Variants in IL1RAPL1 observed in about 807,000 individuals in gnomAD.
The protein encoded by IL1RAPL1 is interleukin 1 receptor accessory protein like 1.
IL1RAPL1 carries 3 observed loss-of-function variants against 48.4 expected under a neutral mutation model. The observed-to-expected ratio is 0.06, with a 90% CI of 0.03 to 0.16. The LOEUF (loss-of-function observed/expected upper bound fraction) is 0.16, where lower values mean the gene tolerates loss of function less well. Among genes scored for constraint, IL1RAPL1 ranks in the 10% least tolerant of loss-of-function variants. The pLI, the probability that IL1RAPL1 is intolerant of heterozygous loss-of-function variation, is 1.00. For missense variants in IL1RAPL1, 349 were observed against 530.6 expected (o/e 0.66, Z 3.36); for synonymous variants, 185 against 187.7 (o/e 0.99, Z 0.12).
intron 5 of IL1RAPL1, among the ~76,000 whole-genome samples, chrX:29,467,873 T>G (rs191196336): frequency 8.9e-6 from 1 of 111,879 alleles, no homozygotes; most frequent in African/African-American, 3.2e-5. Flanking sequence ...TTATTTTATT[T>G]TTTTAGATGC....
chrX:28,937,602 G>T (rs1924051041), intron 2 of IL1RAPL1, among the ~76,000 whole-genome samples: 1 of 111,257 alleles, frequency 9.0e-6, no homozygotes, highest in Non-Finnish European at 1.9e-5. Context: ...TAAAATCATG[G>T]TTACTATCAT....
chrX:29,419,859 A>G (rs978319923), intron 5 of IL1RAPL1, among the ~76,000 whole-genome samples: 4 of 111,281 alleles, frequency 3.6e-5, no homozygotes, highest in African/African-American at 1.3e-4. Flanking sequence ...GGTGTGGCAG[A>G]GGAGACTCTT....
intron 2 of IL1RAPL1, among the ~76,000 whole-genome samples, chrX:29,054,780 C>T (rs767316799): frequency 9.8e-5 from 11 of 111,897 alleles, no homozygotes; most frequent in Non-Finnish European, 1.7e-4. Flanking sequence ...TTTCGACACA[C>T]GTGACATACT....
chrX:29,305,639 C>T (rs887997322), intron 3 of IL1RAPL1, among the ~76,000 whole-genome samples: 8 of 111,531 alleles, frequency 7.2e-5, no homozygotes, highest in African/African-American at 2.6e-4. Flanking sequence ...CAAGCCCAGT[C>T]CCTATCTCTG....
chrX:28,633,530 T>A (rs1368153651), intron 1 of IL1RAPL1, among the ~76,000 whole-genome samples: 2 of 112,317 alleles, frequency 1.8e-5, no homozygotes, highest in Non-Finnish European at 3.8e-5. Flanking sequence ...CAAGTTATAT[T>A]TGATGATATT....
chrX:29,324,618 G>A (rs750426276), intron 3 of IL1RAPL1, among the ~76,000 whole-genome samples: 1 of 111,657 alleles, frequency 9.0e-6, no homozygotes, highest in South Asian at 3.8e-4. Flanking sequence ...AAGGTAGGGG[G>A]TAAGTTATGA....
chrX:28,920,428 A>G (rs1328093822), intron 2 of IL1RAPL1, among the ~76,000 whole-genome samples: 1 of 111,947 alleles, frequency 8.9e-6, no homozygotes, highest in African/African-American at 3.2e-5. Flanking sequence ...TGTCTTTCAG[A>G]CATCATTCAG....
At chrX:29,171,992 C>T (rs1341478830) in intron 2 of IL1RAPL1, among the ~76,000 whole-genome samples, 1 of 111,858 alleles carries the variant, frequency 8.9e-6, no homozygotes, top group Non-Finnish European at 1.9e-5. Context: ...AAAATAATGA[C>T]CCATTTTGCC....
intron 2 of IL1RAPL1, among the ~76,000 whole-genome samples, chrX:29,213,669 G>A (rs1930813862): frequency 8.9e-6 from 1 of 112,533 alleles, no homozygotes; most frequent in Non-Finnish European, 1.9e-5. Flanking sequence ...GCATGCCTTG[G>A]GGCATGGACA....
chrX:29,676,211 C>T lies in IL1RAPL1; in HGVS notation c.778+7707C>T, dbSNP rs762070403. Among the ~76,000 whole-genome samples the T allele has an allele frequency of 4.5e-5, 5 of 111,622 alleles. No individual in the cohort carries two copies. In the South Asian group the frequency reaches 1.1e-3, roughly 25 times the overall value. On this transcript the variant is annotated intron_variant, in intron 6 of 10. Coordinates refer to ENST00000378993, the MANE Select transcript of IL1RAPL1 (RefSeq NM_014271.4). Reference sequence around the variant, plus strand: ...TATGGAGGTAATGTGAGTATTTGATCGGATAATGCATGTAAAAATTAATAG... The same window carrying T: ...TATGGAGGTAATGTGAGTATTTGATTGGATAATGCATGTAAAAATTAATAG...
chrX:29,151,432 A>T (rs1197488799), intron 2 of IL1RAPL1, among the ~76,000 whole-genome samples: 1 of 111,868 alleles, frequency 8.9e-6, no homozygotes, highest in African/African-American at 3.2e-5. Context: ...GACTCCTTAC[A>T]TGCTGAATCC....
Position 28,794,095 on chromosome X carries a change from A to T in IL1RAPL1, c.82+4670A>T, listed in dbSNP as rs903229334. ...TAAATAGAGGCATTTAAGAAAAATG[A>T]TTTTTTTTTCTTAAAGAGCAATCAG... On this transcript the variant is annotated intron_variant, in intron 2 of 10. Coordinates refer to ENST00000378993, the MANE Select transcript of IL1RAPL1 (RefSeq NM_014271.4). Among the ~76,000 whole-genome samples the T allele has an allele frequency of 3.6e-5, 4 of 110,245 alleles. No individual in the cohort carries two copies. The Admixed American group carries it at 3.9e-4, about 11-fold the overall frequency.
intron 5 of IL1RAPL1, among the ~76,000 whole-genome samples, chrX:29,577,846 G>C (rs2147801948): frequency 9.0e-6 from 1 of 111,462 alleles, no homozygotes; most frequent in South Asian, 3.8e-4. Context: ...GCCTTCTTCA[G>C]GAAACATAAA....
intron 5 of IL1RAPL1, among the ~76,000 whole-genome samples, chrX:29,479,414 C>CAAAAA (rs3069570): frequency 0.021 from 905 of 42,475 alleles, 77 homozygotes; most frequent in African/African-American, 0.08. Flanking sequence ...GACCCTGTCT[C>CAAAAA]AAAAAAAAAA....
At chrX:29,913,762 T>C (rs1329732686) in intron 6 of IL1RAPL1, among the ~76,000 whole-genome samples, 3 of 109,846 alleles carry the variant, frequency 2.7e-5, no homozygotes, top group East Asian at 2.8e-4. Context: ...AGTCTCCTAT[T>C]TGAAATCTTC....
intron 1 of IL1RAPL1, among the ~76,000 whole-genome samples, chrX:28,658,596 CAG>C: frequency 9.1e-6 from 1 of 109,311 alleles, no homozygotes; most frequent in East Asian, 2.9e-4. Context: ...GCACAGAAGA[CAG>C]ACAACATTCA....
In IL1RAPL1 at chrX:29,319,152, A is replaced by ATCTG. The variant is rs756903245; in HGVS notation, c.362+35943_362+35946dup. 5.3e-4 allele frequency among the ~76,000 whole-genome samples: 39 copies of ATCTG among 74,103 alleles called. No individual in the cohort carries two copies. The South Asian group carries it at 5.6e-3, about 11-fold the overall frequency. The allele number at this position is 74,103 out of a possible 115,157, so 64.3% of individuals were successfully genotyped here. A position where few individuals can be genotyped will look rare whatever the true frequency, so the allele number is the denominator to read the frequency against. ...ACACACATACGTATGATATCTGTCT[A>ATCTG]TCTGTCTGTCTATCTATCTATCTAT... On this transcript the variant is annotated intron_variant, in intron 3 of 10. Transcript: ENST00000378993.
rs765937621 is a variant in IL1RAPL1, at chrX:28,883,781, A to C, written c.82+94356A>C. On this transcript the variant is annotated intron_variant, in intron 2 of 10. Transcript: ENST00000378993. ...AATCATATAAAATAAAATGTAACAG[A>C]CATCTTTCATTATTTGTAACTAATA... is the stretch of plus-strand genomic sequence containing the variant. Among the ~76,000 whole-genome samples the C allele has an allele frequency of 2.7e-5, 3 of 112,526 alleles. No homozygotes were observed. In the Admixed American group the frequency reaches 2.8e-4, roughly 11 times the overall value.
intron 2 of IL1RAPL1, among the ~76,000 whole-genome samples, chrX:28,999,941 A>T (rs1299347770): frequency 9.0e-6 from 1 of 111,631 alleles, no homozygotes; most frequent in Non-Finnish European, 1.9e-5. Context: ...AAGTTCCAGC[A>T]ATCCCACAGC....
Sources: gnomAD v4.1 joint callset for allele counts (sites outside exome capture counted in the v4.1 genomes callset) on GRCh38, gnomAD v4.1.1 for gene constraint, MANE v1.5 for transcripts, NCBI Gene and HGNC (gene_info 2026-07-23, HGNC 2026-07-21) for gene names.